Variants in CYFIP2 observed in about 807,000 individuals in gnomAD.
The protein encoded by CYFIP2 is cytoplasmic FMR1 interacting protein 2, also known as cytoplasmic FMR1-interacting protein 2.
Under a neutral mutation model 158.7 loss-of-function variants are expected in CYFIP2, and 29 were observed. The ratio of observed to expected loss-of-function variants is 0.18; its 90% CI spans 0.14 to 0.25. CYFIP2 has a LOEUF of 0.25. Among genes scored for constraint, CYFIP2 ranks in the 10% least tolerant of loss-of-function variants. The pLI is 1.00. For synonymous variants in CYFIP2, 585 were observed against 617.6 expected (o/e 0.95, Z 0.78); for missense variants, 852 against 1,639.5 (o/e 0.52, Z 8.29).
intron 15 of CYFIP2, 81 bp from the exon 16 acceptor site, chr5:157,323,840 C>T (rs1760801329): frequency 1.5e-6 from 2 of 1,352,076 alleles, no homozygotes; most frequent in Non-Finnish European, 1.9e-6. Flanking sequence ...AAAAAAAATA[C>T]ATAAATACAA....
At chr5:157,325,754 A>G (rs1760972788) in intron 17 of CYFIP2, 116 bp downstream of exon 17, 2 of 1,102,698 alleles carry the variant, frequency 1.8e-6, no homozygotes, top group African/African-American at 3.2e-5. Flanking sequence ...ATGAGGCCAT[A>G]TGTCCCACCA....
chr5:157,270,701 A>G (rs752298342), intron 1 of CYFIP2, among the ~76,000 whole-genome samples: 8 of 152,246 alleles, frequency 5.3e-5, no homozygotes, highest in Non-Finnish European at 1.0e-4. Context: ...AGTGGAAACT[A>G]TACGACAGAA....
chr5:157,369,209 T>A (rs1234220724), intron 26 of CYFIP2, among the ~76,000 whole-genome samples: 2 of 152,174 alleles, frequency 1.3e-5, no homozygotes, highest in Non-Finnish European at 2.9e-5. Context: ...TTCCCAAAGC[T>A]TTTAACTATT....
chr5:157,273,886 G>A (rs1197608000), intron 1 of CYFIP2, among the ~76,000 whole-genome samples: 3 of 152,146 alleles, frequency 2.0e-5, no homozygotes, highest in Non-Finnish European at 2.9e-5. Flanking sequence ...TGTAACCCCA[G>A]CACTTTGGGA....
intron 22 of CYFIP2, among the ~76,000 whole-genome samples, chr5:157,340,841 T>C (rs1456436159): frequency 2.0e-5 from 3 of 152,186 alleles, no homozygotes; most frequent in African/African-American, 7.2e-5. Flanking sequence ...AAGCCCCTGG[T>C]TGAGCCCAGG....
intron 26 of CYFIP2, among the ~76,000 whole-genome samples, chr5:157,369,190 G>A (rs1226731019): frequency 6.6e-6 from 1 of 152,068 alleles, no homozygotes; most frequent in Non-Finnish European, 1.5e-5. Context: ...GAGCCACCGC[G>A]CCCGGCCATT....
intron 23 of CYFIP2, among the ~76,000 whole-genome samples, chr5:157,350,984 A>G (rs1763029379): frequency 6.6e-6 from 1 of 152,180 alleles, no homozygotes; most frequent in Admixed American, 6.5e-5. Context: ...ATACAGTCAT[A>G]TCATCAGCAA....
intron 23 of CYFIP2, among the ~76,000 whole-genome samples, chr5:157,341,423 C>T (rs775417315): frequency 3.3e-5 from 5 of 152,030 alleles, no homozygotes; most frequent in Admixed American, 6.6e-5. Context: ...CTAGACATGG[C>T]GGCATGCACC....
intron 1 of CYFIP2, among the ~76,000 whole-genome samples, chr5:157,275,967 G>C (rs1293320723): frequency 6.6e-6 from 1 of 152,094 alleles, no homozygotes; most frequent in Non-Finnish European, 1.5e-5. Context: ...CTGGTATATA[G>C]AGATACTACT....
Position 157,276,763 on chromosome 5 carries a change from A to G in CYFIP2, c.-23-8576A>G, listed in dbSNP as rs531881715. 2.0e-5 allele frequency among the ~76,000 whole-genome samples: 3 copies of G among 152,338 alleles called. No individual in the cohort carries two copies. The East Asian group carries it at 5.8e-4, about 29-fold the overall frequency. On this transcript the variant is annotated intron_variant, in intron 1 of 30. Transcript: ENST00000620254. ...TCACCTCCACACTAAAATGCCTCTC[A>G]TATGGATATCAGTGGTGGACATGGG...
Position 157,311,363 on chromosome 5 carries a change from AGGCTGT to A in CYFIP2, c.993-299_993-294del. On this transcript the variant is annotated intron_variant, in intron 10 of 30. Transcript: ENST00000620254. This position sits in a 1 kb window ranked among gnomAD's most constrained non-coding sequence, Gnocchi z 4.7. ...ATTCCATCCCTTTGTAGTCCTAGAG[AGGCTGT>A]GTTCCCGCCCCTCTCATATTACTGG... 2.3e-6 allele frequency: 1 copy of A among 430,042 alleles called. No homozygotes were observed. The highest frequency in any genetic ancestry group is 2.1e-5 in the South Asian group (1 of 46,608). 26.6% of individuals were successfully genotyped at this position (430,042 alleles called of 1,614,324 possible).
chr5:157,326,004 G>A, intron 17 of CYFIP2, 167 bp from the exon 18 acceptor site: 1 of 613,228 alleles, frequency 1.6e-6, no homozygotes. Flanking sequence ...TGGACTGACT[G>A]TAAAGTAAGT....
chr5:157,333,913 C>G (rs756965597), intron 21 of CYFIP2, among the ~76,000 whole-genome samples: 2 of 152,180 alleles, frequency 1.3e-5, no homozygotes, highest in African/African-American at 2.4e-5. Flanking sequence ...GATTATGTAA[C>G]TGGTTCTGAT....
chr5:157,323,087 C>T (rs1354369721), intron 15 of CYFIP2: 16 of 1,363,348 alleles, frequency 1.2e-5, no homozygotes, highest in Non-Finnish European at 1.5e-5. Context: ...ACTAGCCTGG[C>T]TCCTCAAGGC....
chr5:157,287,830 T>C (rs1376634149), intron 3 of CYFIP2, among the ~76,000 whole-genome samples: 1 of 152,194 alleles, frequency 6.6e-6, no homozygotes, highest in African/African-American at 2.4e-5. Context: ...TGGTAGCTCA[T>C]GCCCATAACC....
intron 15 of CYFIP2, chr5:157,323,009 G>T (rs988082033): frequency 1.3e-6 from 2 of 1,536,014 alleles, no homozygotes; most frequent in Admixed American, 2.0e-5. Context: ...AGAGGCTGCC[G>T]ATCCCTGGTA....
chr5:157,319,673 C>G, intron 13 of CYFIP2, 89 bp from the exon 14 acceptor site: 1 of 1,507,638 alleles, frequency 6.6e-7, no homozygotes, highest in Non-Finnish European at 9.0e-7. Flanking sequence ...ACATCTCACT[C>G]CCCGCCTCCC....
intron 10 of CYFIP2, among the ~76,000 whole-genome samples, chr5:157,310,232 G>A (rs972612274): frequency 3.3e-5 from 5 of 152,188 alleles, no homozygotes; most frequent in South Asian, 2.1e-4. Flanking sequence ...TGCAGTCGAC[G>A]TGAATTGGGT....
chr5:157,282,709 A>G (rs1404579770), intron 1 of CYFIP2, among the ~76,000 whole-genome samples: 4 of 152,186 alleles, frequency 2.6e-5, no homozygotes, highest in Non-Finnish European at 4.4e-5. Flanking sequence ...TCATTTTGCC[A>G]TCCCTACTAA....
Sources: gnomAD v4.1 joint callset for allele counts (sites outside exome capture counted in the v4.1 genomes callset) on GRCh38, gnomAD v4.1.1 for gene constraint, Gnocchi (gnomAD v3.1) non-coding constraint, MANE v1.5 for transcripts, NCBI Gene and HGNC (gene_info 2026-07-23, HGNC 2026-07-21) for gene names.